AFF1: variants seen among roughly 807,000 people sequenced by gnomAD.
The protein encoded by AFF1 is ALF transcription elongation factor 1.
A neutral mutation model predicts 121.7 loss-of-function variants in AFF1; 48 were observed. The observed-to-expected ratio is 0.39, with a 90% CI of 0.31 to 0.50. AFF1 has a LOEUF of 0.50. AFF1 is among the 20% of genes least tolerant of loss of function. The pLI is 0.76. For synonymous variants in AFF1, 613 were observed against 563.0 expected, an observed-to-expected ratio of 1.09 and a Z score of -1.26; for missense variants, 1,523 against 1,511.7, an observed-to-expected ratio of 1.01 and a Z score of -0.12.
Position 87,126,109 on chromosome 4 carries a change from CCCT to C in AFF1, c.2589_2591del (p.Ser864del). On this transcript the variant is annotated inframe_deletion, in exon 14 of 21. Transcript: ENST00000395146. ...GATGTTTCACTCCAGGCCCTCCAGGCCCTCCTCACAGTCCTCAAAGAAGGAAAT... is the reference window on the plus strand; with the variant it reads ...GATGTTTCACTCCAGGCCCTCCAGGCCCTCACAGTCCTCAAAGAAGGAAAT... The C allele has an allele frequency of 1.2e-6, 2 of 1,614,174 alleles. No homozygotes were observed. The highest frequency in any genetic ancestry group is 1.7e-6 in the Non-Finnish European group (2 of 1,180,014).
At chr4:86,938,823 C>T (rs4519764) in intron 1 of AFF1, among the ~76,000 whole-genome samples, 1 of 152,194 alleles carries the variant, frequency 6.6e-6, no homozygotes, top group Non-Finnish European at 1.5e-5. Context: ...ATCAGGGTTG[C>T]TAATAGGAGT....
At chr4:87,035,606 A>G (rs1479110919) in intron 2 of AFF1, among the ~76,000 whole-genome samples, 1 of 151,964 alleles carries the variant, frequency 6.6e-6, no homozygotes, top group African/African-American at 2.4e-5. Flanking sequence ...TGTAGGCACC[A>G]GGGCTCCCAG....
At chr4:87,074,124 T>C (rs1578198025) in intron 4 of AFF1, among the ~76,000 whole-genome samples, 1 of 151,998 alleles carries the variant, frequency 6.6e-6, no homozygotes, top group East Asian at 1.9e-4. Context: ...GCTTTGCAAA[T>C]TGATAGTCCC....
intron 2 of AFF1, among the ~76,000 whole-genome samples, chr4:87,000,980 T>G (rs1197281013): frequency 2.0e-5 from 3 of 151,366 alleles, no homozygotes; most frequent in African/African-American, 7.4e-5. Flanking sequence ...CCTATACATC[T>G]CATTTCATAA....
At chr4:86,939,847 T>G (rs1177917263) in intron 1 of AFF1, among the ~76,000 whole-genome samples, 1 of 152,208 alleles carries the variant, frequency 6.6e-6, no homozygotes, top group African/African-American at 2.4e-5. Flanking sequence ...CCCAAGAATT[T>G]GCATGTGTAA....
intron 2 of AFF1, among the ~76,000 whole-genome samples, chr4:86,982,525 A>G (rs1412561235): frequency 6.8e-6 from 1 of 147,416 alleles, no homozygotes; most frequent in East Asian, 2.0e-4. Flanking sequence ...TGATTAGGTC[A>G]TGAGGGTGGA....
chr4:87,130,485 A>G (rs1277519034), intron 16 of AFF1, among the ~76,000 whole-genome samples: 2 of 152,200 alleles, frequency 1.3e-5, no homozygotes, highest in Non-Finnish European at 2.9e-5. Flanking sequence ...GTGACCACCA[A>G]TATCTGATTT....
At chr4:87,052,513 C>T (rs1222443175) in intron 4 of AFF1, among the ~76,000 whole-genome samples, 3 of 151,774 alleles carry the variant, frequency 2.0e-5, no homozygotes, top group Admixed American at 6.6e-5. Context: ...ATGGAACTGG[C>T]GACATAGGCA....
chr4:86,954,784 A>C (rs528661775), intron 2 of AFF1, among the ~76,000 whole-genome samples: 35 of 152,336 alleles, frequency 2.3e-4, no homozygotes, highest in Non-Finnish European at 4.3e-4. Flanking sequence ...GTGGATCATC[A>C]TAAAGGTCTT....
In AFF1 at chr4:87,127,167, C is replaced by CCG; in HGVS notation, c.2903+51_2903+52insGC. The stretch of plus-strand genomic sequence containing the variant: ...TGCTCTGTTTTGTTTTGTTTTGCTT[C>CCG]CCCCCCCCACCAAGATAGAGTCTCA... On this transcript the variant is annotated intron_variant, in intron 15 of 20. Coordinates refer to ENST00000395146, the MANE Select transcript of AFF1 (RefSeq NM_001166693.3). 3 of 998,172 alleles carry CCG rather than the reference C, an allele frequency of 3.0e-6. 1 individual carries two copies. The highest frequency in any genetic ancestry group is 4.3e-6 in the Non-Finnish European group (3 of 698,184). The allele number at this position is 998,172 out of a possible 1,614,324, so 61.8% of individuals were successfully genotyped here. A position where few individuals can be genotyped will look rare whatever the true frequency, so the allele number is the denominator to read the frequency against.
chr4:87,131,767 T>C lies in AFF1; in HGVS notation c.3102-26T>C, dbSNP rs748882521. 6 of 1,544,176 alleles carry C rather than the reference T, an allele frequency of 3.9e-6. No homozygotes were observed. The Admixed American group carries it at 9.1e-5, about 24-fold the overall frequency. On this transcript the variant is annotated intron_variant, in intron 17 of 20. Coordinates refer to ENST00000395146, the MANE Select transcript of AFF1 (RefSeq NM_001166693.3). ...TTTGTGTCTGCCTTTGTTTAAAACC[T>C]GATGTACTTTTATATTTTCCTATAG... is the stretch of plus-strand genomic sequence containing the variant.
intron 4 of AFF1, among the ~76,000 whole-genome samples, chr4:87,060,089 C>A (rs1468947513): frequency 6.6e-6 from 1 of 152,156 alleles, no homozygotes; most frequent in African/African-American, 2.4e-5. Context: ...GTGCAGTGTT[C>A]AATAATGTTT....
chr4:87,071,565 A>G (rs989486059), intron 4 of AFF1, among the ~76,000 whole-genome samples: 5 of 152,240 alleles, frequency 3.3e-5, no homozygotes, highest in African/African-American at 1.2e-4. Context: ...CACCATGATT[A>G]TGATGCCAGG....
Position 87,105,843 on chromosome 4 carries a change from A to G in AFF1, c.1374A>G (p.Pro458=), listed in dbSNP as rs974835603. 6.8e-6 allele frequency: 11 copies of G among 1,613,930 alleles called. No individual in the cohort carries two copies. The highest frequency in any genetic ancestry group is 4.0e-5 in the African/African-American group (3 of 74,888). Residue 458 remains proline, a splice_region_variant and synonymous_variant, in exon 10 of 21, where the codon CCA becomes CCG. Coordinates refer to ENST00000395146, the MANE Select transcript of AFF1 (RefSeq NM_001166693.3). ...AGCCTCCCTCCTCATCTGCACCTCC[A>G]AGGTACCGTGTGGGTTTCTCCCCAT... ...PEKPPSSSAP[P]SAPQSLPEPV...
chr4:87,127,205 G>C, intron 15 of AFF1, 88 bp downstream of exon 15: 1 of 1,187,326 alleles, frequency 8.4e-7, no homozygotes, highest in Non-Finnish European at 1.2e-6. Flanking sequence ...CTGTCACCCA[G>C]GCTGGAGTGT....
intron 4 of AFF1, among the ~76,000 whole-genome samples, chr4:87,070,025 G>A (rs1721862422): frequency 6.6e-6 from 1 of 151,762 alleles, no homozygotes; most frequent in Admixed American, 6.6e-5. Context: ...TTTGTTTTGA[G>A]ATGGAGTCTC....
At chr4:86,985,625 A>G (rs1578900871) in intron 2 of AFF1, among the ~76,000 whole-genome samples, 3 of 152,118 alleles carry the variant, frequency 2.0e-5, no homozygotes, top group South Asian at 2.1e-4. Flanking sequence ...GCAGTGAGCC[A>G]AGATCACACC....
In AFF1 at chr4:86,944,890, ACT is replaced by A. The variant is rs1399906466; in HGVS notation, c.-36-3605_-36-3604del. ...TATACTCACATGTATGTGTATACAC[ACT>A]CTTGAATTATGAATTGTTTGAGGAA... On this transcript the variant is annotated intron_variant, in intron 1 of 20. Transcript: ENST00000395146. 5.9e-5 allele frequency among the ~76,000 whole-genome samples: 9 copies of A among 152,324 alleles called. No homozygotes were observed. The South Asian group carries it at 1.2e-3, about 21-fold the overall frequency.
chr4:87,029,108 C>T (rs1342009809), intron 2 of AFF1, among the ~76,000 whole-genome samples: 1 of 152,142 alleles, frequency 6.6e-6, no homozygotes, highest in Non-Finnish European at 1.5e-5. Flanking sequence ...TGTCAGATAC[C>T]TGGATGCCTG....
Sources: gnomAD v4.1 joint callset for allele counts (sites outside exome capture counted in the v4.1 genomes callset) on GRCh38, gnomAD v4.1.1 for gene constraint, MANE v1.5 for transcripts, NCBI Gene and HGNC (gene_info 2026-07-23, HGNC 2026-07-21) for gene names.